Variants in AGBL1 observed in about 807,000 individuals in gnomAD.
AGBL1 encodes the protein AGBL carboxypeptidase 1.
A neutral mutation model predicts 118.9 loss-of-function variants in AGBL1; 130 were observed. The observed-to-expected ratio is 1.09, with a 90% CI of 0.95 to 1.26. The LOEUF is 1.26. Ranked by LOEUF, AGBL1 falls within the 50% of genes most tolerant of loss-of-function variation. The pLI is 0.00. For missense variants in AGBL1, 1,584 were observed against 1,298.1 expected (o/e 1.22, Z -3.38); for synonymous variants, 555 against 478.9 (o/e 1.16, Z -2.08).
intron 21 of AGBL1, among the ~76,000 whole-genome samples, chr15:86,647,674 C>A (rs1303126157): frequency 2.6e-5 from 4 of 152,116 alleles, no homozygotes; most frequent in African/African-American, 7.2e-5. Context: ...GCACTCCAGC[C>A]TGGGTGACAG....
chr15:86,318,126 T>C (rs1012524242), intron 17 of AGBL1, among the ~76,000 whole-genome samples: 1 of 152,252 alleles, frequency 6.6e-6, no homozygotes, highest in African/African-American at 2.4e-5. Context: ...CCTAATTAGC[T>C]GGACAGCTTG....
At chr15:86,867,219 T>C (rs961236441) in intron 22 of AGBL1, among the ~76,000 whole-genome samples, 35 of 152,188 alleles carry the variant, frequency 2.3e-4, no homozygotes, top group African/African-American at 7.7e-4. Context: ...ATAGAACTCA[T>C]TGAAGGTTTA....
In AGBL1 at chr15:86,264,633, A is replaced by T; in HGVS notation, c.1462A>T (p.Thr488Ser). The change falls in exon 11 of 23, where the codon ACT (threonine) becomes TCT (serine). Residue 488 changes from threonine to serine, a missense_variant. Transcript: ENST00000614907. ...TGCCTCCTTTTCTAATTCCACTAGG[A>T]CTAGAGAAGTTGTCAAAGTAATAGA... ...MSASFSNSTR[T>S]REVVKVIDKL... 2 of 1,613,936 alleles carry T rather than the reference A, an allele frequency of 1.2e-6. No homozygotes were observed. Among genetic ancestry groups the T allele is most frequent in the Non-Finnish European group, 1.7e-6 (2 of 1,179,866 alleles).
At chr15:86,712,549 T>G (rs1490199921) in intron 22 of AGBL1, among the ~76,000 whole-genome samples, 1 of 152,134 alleles carries the variant, frequency 6.6e-6, no homozygotes, top group Non-Finnish European at 1.5e-5. Flanking sequence ...ACTTAAATGG[T>G]GCTTAATTAG....
At chr15:86,882,266 A>C (rs2141534328) in intron 22 of AGBL1, among the ~76,000 whole-genome samples, 1 of 152,322 alleles carries the variant, frequency 6.6e-6, no homozygotes, top group South Asian at 2.1e-4. Context: ...TGGTATCCAA[A>C]ATCTCACGTC....
intron 19 of AGBL1, among the ~76,000 whole-genome samples, chr15:86,542,635 T>A (rs1249207225): frequency 6.6e-6 from 1 of 152,122 alleles, no homozygotes; most frequent in Non-Finnish European, 1.5e-5. Flanking sequence ...CCCAAAGTGC[T>A]GGGATTTCCA....
chr15:86,736,747 T>A (rs988907769), intron 22 of AGBL1, among the ~76,000 whole-genome samples: 1 of 152,222 alleles, frequency 6.6e-6, no homozygotes, highest in Admixed American at 6.5e-5. Flanking sequence ...GTATGCATGC[T>A]GGAAGTATAA....
chr15:86,496,775 G>A (rs2082860391), intron 18 of AGBL1, among the ~76,000 whole-genome samples: 1 of 151,798 alleles, frequency 6.6e-6, no homozygotes, highest in Admixed American at 6.6e-5. Flanking sequence ...TGACAGAAAT[G>A]AATGATCACA....
intron 17 of AGBL1, among the ~76,000 whole-genome samples, chr15:86,345,795 G>A (rs2080527129): frequency 6.6e-6 from 1 of 152,176 alleles, no homozygotes; most frequent in Non-Finnish European, 1.5e-5. Flanking sequence ...GTGAATGCAT[G>A]AATACATAAA....
At chr15:86,628,081 G>T (rs2084914680) in intron 21 of AGBL1, among the ~76,000 whole-genome samples, 1 of 152,144 alleles carries the variant, frequency 6.6e-6, no homozygotes, top group Non-Finnish European at 1.5e-5. Context: ...AATAGTTCTG[G>T]GGAGAAGGCA....
chr15:86,517,356 G>C (rs2083134261), intron 18 of AGBL1, among the ~76,000 whole-genome samples: 2 of 152,236 alleles, frequency 1.3e-5, no homozygotes, highest in South Asian at 4.1e-4. Context: ...GTTGGGACTA[G>C]AGTTTCTACA....
Position 86,739,982 on chromosome 15 carries a change from T to G in AGBL1, c.3158+65546T>G, listed in dbSNP as rs999357942. Among the ~76,000 whole-genome samples, 5 of 152,338 alleles carry G rather than the reference T, an allele frequency of 3.3e-5. No homozygotes were observed. The East Asian group carries it at 9.7e-4, about 29-fold the overall frequency. ...ACACTCTTAAATAACCCCTTTCACC[T>G]TTAAAGCCTGATACATTTGCCTCCT... On this transcript the variant is annotated intron_variant, in intron 22 of 22. Coordinates refer to ENST00000614907, the MANE Select transcript of AGBL1 (RefSeq NM_001386094.1).
rs148656214 is a variant in AGBL1, at chr15:86,685,134, A to G, written c.3158+10698A>G. ...CCAAAGTAGAATCCGATACAAGACG[A>G]CCCTTTACAAGGGGCTTAAATGTTC... is the stretch of plus-strand genomic sequence containing the variant. On this transcript the variant is annotated intron_variant, in intron 22 of 22. Transcript: ENST00000614907. 4.1e-3 allele frequency among the ~76,000 whole-genome samples: 626 copies of G among 152,222 alleles called. 6 individuals carry two copies. Among genetic ancestry groups the G allele is most frequent in the African/African-American group, 0.015 (603 of 41,536 alleles).
intron 21 of AGBL1, among the ~76,000 whole-genome samples, chr15:86,646,214 A>C (rs575621089): frequency 1.1e-4 from 16 of 152,342 alleles, no homozygotes; most frequent in African/African-American, 2.6e-4. Context: ...TCATGGTGTC[A>C]GGCATTATGG....
At chr15:86,926,881 C>T (rs889969062) in intron 23 of AGBL1, among the ~76,000 whole-genome samples, 3 of 152,166 alleles carry the variant, frequency 2.0e-5, no homozygotes, top group Admixed American at 6.5e-5. Flanking sequence ...TAGCTCATGC[C>T]TGTAATCCCA....
At chr15:86,148,899 G>C (rs1438576404) in intron 3 of AGBL1, among the ~76,000 whole-genome samples, 1 of 152,202 alleles carries the variant, frequency 6.6e-6, no homozygotes. Flanking sequence ...TACCCACAAA[G>C]GGAAGCCCAT....
intron 22 of AGBL1, among the ~76,000 whole-genome samples, chr15:86,723,998 G>T (rs558529339): frequency 1.3e-5 from 2 of 152,254 alleles, no homozygotes; most frequent in African/African-American, 4.8e-5. Flanking sequence ...CACTTTGGGA[G>T]GCCGAGGTGG....
chr15:86,125,177 A>G (rs565266801), intron 1 of AGBL1, among the ~76,000 whole-genome samples: 17 of 152,194 alleles, frequency 1.1e-4, no homozygotes, highest in Non-Finnish European at 2.5e-4. Flanking sequence ...AACTTAAGAC[A>G]GAGTCAGAAA....
At chr15:86,674,207 T>C (rs1468561971) in intron 21 of AGBL1, 66 bp from the exon 22 acceptor site, 2 of 1,468,238 alleles carry the variant, frequency 1.4e-6, no homozygotes, top group African/African-American at 2.8e-5. Context: ...TTCTTCCTAA[T>C]TTCAAAGTGT....
Sources: gnomAD v4.1 joint callset for allele counts (sites outside exome capture counted in the v4.1 genomes callset) on GRCh38, gnomAD v4.1.1 for gene constraint, MANE v1.5 for transcripts, NCBI Gene and HGNC (gene_info 2026-07-23, HGNC 2026-07-21) for gene names.